TFDP2: variants seen among roughly 807,000 people sequenced by gnomAD.
TFDP2 encodes the protein transcription factor Dp-2 (E2F dimerization partner 2).
TFDP2 carries 17 observed loss-of-function variants against 59.3 expected under a neutral mutation model. The ratio of observed to expected loss-of-function variants is 0.29; its 90% CI spans 0.20 to 0.43. TFDP2 has a LOEUF of 0.43. Among genes scored for constraint, TFDP2 ranks in the 20% least tolerant of loss-of-function variants. The probability of loss-of-function intolerance (pLI) is 1.00; values close to 1 mark genes in which losing one functional copy is unlikely to be tolerated. For synonymous variants in TFDP2, 180 were observed against 194.7 expected, an observed-to-expected ratio of 0.92 and a Z score of 0.63; for missense variants, 391 against 528.8, an observed-to-expected ratio of 0.74 and a Z score of 2.56.
At chr3:142,067,709 AGACT>A (rs1334517412) in intron 3 of TFDP2, among the ~76,000 whole-genome samples, 1 of 152,216 alleles carries the variant, frequency 6.6e-6, no homozygotes, top group Non-Finnish European at 1.5e-5. Flanking sequence ...TCCAACTTTA[AGACT>A]GACTGTAGGT....
intron 1 of TFDP2, among the ~76,000 whole-genome samples, chr3:142,132,242 T>C (rs2062543475): frequency 6.7e-6 from 1 of 150,026 alleles, no homozygotes. Context: ...TTAAATGAAA[T>C]ATTCAGAATA....
chr3:142,018,398 A>C (rs1424748619), intron 3 of TFDP2, among the ~76,000 whole-genome samples: 1 of 152,140 alleles, frequency 6.6e-6, no homozygotes, highest in East Asian at 1.9e-4. Flanking sequence ...TCAACTGTGT[A>C]TTTCTCCCTT....
chr3:141,987,581 C>CGTGT (rs113061424), intron 6 of TFDP2, among the ~76,000 whole-genome samples: 2,231 of 118,558 alleles, frequency 0.019, 21 homozygotes, highest in Non-Finnish European at 0.027. Flanking sequence ...CTGCGCCTGG[C>CGTGT]GTGTGTGTGT....
chr3:141,998,180 C>G (rs1311410872), intron 4 of TFDP2, among the ~76,000 whole-genome samples: 2 of 152,040 alleles, frequency 1.3e-5, no homozygotes, highest in African/African-American at 4.8e-5. Context: ...AGTTCCTAAA[C>G]TAGGATAATG....
At chr3:142,088,318 C>CT (rs139103121) in intron 3 of TFDP2, among the ~76,000 whole-genome samples, 12,859 of 149,458 alleles carry the variant, frequency 0.086, 685 homozygotes, top group Middle Eastern at 0.16. Context: ...GTCCAGCTAT[C>CT]TTTTTTTTTT....
In TFDP2 at chr3:142,113,992, G is replaced by C. The variant is rs530736525; in HGVS notation, c.-92-12151C>G. Reference sequence around the variant, plus strand: ...ATCCTGTCTAACACGGTGAATCCCCGCCTCTACTAAAAATACAAAAAAATT... The same window carrying C: ...ATCCTGTCTAACACGGTGAATCCCCCCCTCTACTAAAAATACAAAAAAATT... On this transcript the variant is annotated intron_variant, in intron 1 of 12. Coordinates refer to ENST00000489671, the MANE Select transcript of TFDP2 (RefSeq NM_001178139.2). Among the ~76,000 whole-genome samples, 4 of 152,090 alleles carry C rather than the reference G, an allele frequency of 2.6e-5. No individual in the cohort carries two copies. In the East Asian group the frequency reaches 7.8e-4, roughly 30 times the overall value.
chr3:142,114,675 C>G (rs1329514928), intron 1 of TFDP2, among the ~76,000 whole-genome samples: 3 of 151,142 alleles, frequency 2.0e-5, no homozygotes, highest in Admixed American at 6.6e-5. Flanking sequence ...TTCCTACCTT[C>G]TTAAAAACAC....
intron 11 of TFDP2, 36 bp downstream of exon 11, chr3:141,959,638 A>C: frequency 6.3e-7 from 1 of 1,585,910 alleles, no homozygotes; most frequent in Admixed American, 1.8e-5. Flanking sequence ...TCAACATTTA[A>C]TCAGGGACAA....
At position 141,948,097 on chromosome 3, in the gene TFDP2, A is replaced by C. The variant is rs1199503575; in HGVS notation, c.*4416T>G. The C allele has an allele frequency of 1.3e-5, 2 of 152,376 alleles. No individual in the cohort carries two copies. Among genetic ancestry groups the C allele is most frequent in the African/African-American group, 4.8e-5 (2 of 41,576 alleles). The allele number at this position is 152,376 out of a possible 1,614,324, so 9.4% of individuals were successfully genotyped here. On this transcript the variant is annotated 3_prime_UTR_variant, in exon 13 of 13. Coordinates refer to ENST00000489671, the MANE Select transcript of TFDP2 (RefSeq NM_001178139.2). ...TTACTGAATGAAGGATGAAATCTTAAGATTCACTGTCCAACCCCCACCCCT... is the reference window on the plus strand; with the variant it reads ...TTACTGAATGAAGGATGAAATCTTACGATTCACTGTCCAACCCCCACCCCT...
rs181232457 is a variant in TFDP2 at position 141,953,241 on chromosome 3, C to G, written c.1052-225G>C. 1.8e-3 allele frequency among the ~76,000 whole-genome samples: 272 copies of G among 152,112 alleles called. 1 individual carries two copies. Among genetic ancestry groups the G allele is most frequent in the Non-Finnish European group, 2.2e-3 (150 of 68,004 alleles). The stretch of plus-strand genomic sequence containing the variant: ...AAAAAAAATACGGGAAGGCAGCTTA[C>G]GGAGAGAAGGTATTCAAATGAAAAC... On this transcript the variant is annotated intron_variant, in intron 11 of 12. Coordinates refer to ENST00000489671, the MANE Select transcript of TFDP2 (RefSeq NM_001178139.2).
intron 3 of TFDP2, among the ~76,000 whole-genome samples, chr3:142,018,142 T>C (rs1448052528): frequency 6.6e-6 from 1 of 151,678 alleles, no homozygotes; most frequent in Non-Finnish European, 1.5e-5. Context: ...AGGGGTCTCG[T>C]CATGCTGGCC....
chr3:142,119,240 T>C (rs917072136), intron 1 of TFDP2, among the ~76,000 whole-genome samples: 1 of 152,130 alleles, frequency 6.6e-6, no homozygotes, highest in African/African-American at 2.4e-5. Flanking sequence ...CTACCAGATA[T>C]TTGAGAAAAC....
intron 1 of TFDP2, among the ~76,000 whole-genome samples, chr3:142,113,192 A>T (rs186768647): frequency 6.6e-6 from 1 of 152,368 alleles, no homozygotes; most frequent in East Asian, 1.9e-4. Flanking sequence ...TTAGATTAGC[A>T]TCACAAATGT....
At position 141,961,710 on chromosome 3, in the gene TFDP2, A is replaced by G. The variant is rs11569269; in HGVS notation, c.885-1870T>C. ...TTTTGAAACTGGCAAGGTAAATACT[A>G]TAATTCTTATTTTTGTGGAGAAAGG... On this transcript the variant is annotated intron_variant, in intron 10 of 12. Coordinates refer to ENST00000489671, the MANE Select transcript of TFDP2 (RefSeq NM_001178139.2). Among the ~76,000 whole-genome samples the G allele has an allele frequency of 8.8e-3, 1,347 of 152,314 alleles. 24 individuals are homozygous for G. Among genetic ancestry groups the G allele is most frequent in the African/African-American group, 0.031 (1,270 of 41,564 alleles).
chr3:142,022,708 T>C (rs996647551), intron 3 of TFDP2, among the ~76,000 whole-genome samples: 3 of 152,204 alleles, frequency 2.0e-5, no homozygotes, highest in African/African-American at 7.2e-5. Flanking sequence ...AAGCTCACAG[T>C]CCGAGAGGGT....
In TFDP2 at chr3:141,950,671, A is replaced by G. The variant is rs1935850452; in HGVS notation, c.*1842T>C. ...CCCTGCTGGGTCCCAGAGATGAGAA[A>G]GGGTGGAGTTAGTAAAAGAGGAGGC... On this transcript the variant is annotated 3_prime_UTR_variant, in exon 13 of 13. Coordinates refer to ENST00000489671, the MANE Select transcript of TFDP2 (RefSeq NM_001178139.2). 6.6e-6 allele frequency: 1 copy of G among 152,612 alleles called. No individual in the cohort carries two copies. Among genetic ancestry groups the G allele is most frequent in the African/African-American group, 2.4e-5 (1 of 41,424 alleles). The allele number at this position is 152,612 out of a possible 1,614,324, so 9.5% of individuals were successfully genotyped here.
rs530263224 is a variant in TFDP2, at chr3:141,950,261, C to A, written c.*2252G>T. 1 of 152,122 alleles carries A rather than the reference C, an allele frequency of 6.6e-6. No individual in the cohort carries two copies. Among genetic ancestry groups the A allele is most frequent in the Non-Finnish European group, 1.5e-5 (1 of 68,014 alleles). 9.4% of individuals were successfully genotyped at this position (152,122 alleles called of 1,614,324 possible). A position where few individuals can be genotyped will look rare whatever the true frequency, so the allele number is the denominator to read the frequency against. On this transcript the variant is annotated 3_prime_UTR_variant, in exon 13 of 13. Transcript: ENST00000489671. The stretch of plus-strand genomic sequence containing the variant: ...TTCTAAAGGCAAGATTTTACTCCAG[C>A]GACATGTACTGGTGACCATGATGTC...
At chr3:142,033,848 G>A (rs1441898243) in intron 3 of TFDP2, among the ~76,000 whole-genome samples, 2 of 152,184 alleles carry the variant, frequency 1.3e-5, no homozygotes, top group Non-Finnish European at 2.9e-5. Context: ...AACTGAACCA[G>A]GAGGGTCCAC....
At chr3:141,967,901 C>T (rs562524376) in intron 9 of TFDP2, among the ~76,000 whole-genome samples, 2 of 152,216 alleles carry the variant, frequency 1.3e-5, no homozygotes, top group South Asian at 4.2e-4. Context: ...TGCCCAGCAC[C>T]ATTCTTTCTG....
Sources: allele counts gnomAD v4.1 joint callset (sites outside exome capture counted in the v4.1 genomes callset), GRCh38; gene constraint gnomAD v4.1.1; transcripts MANE v1.5; gene names NCBI Gene and HGNC (gene_info 2026-07-23, HGNC 2026-07-21).